HEMK2: variants seen among roughly 807,000 people sequenced by gnomAD.
HEMK2 encodes HemK methyltransferase 2, ETF1 glutamine and histone H4 lysine, also known as methyltransferase HEMK2.
At chr21:28,614,882 T>A in the HEMK2 span, among the ~76,000 whole-genome samples, 1 of 152,080 alleles carries the variant, frequency 6.6e-6, no homozygotes, top group African/African-American at 2.4e-5. Context: ...GAGCATTGAG[T>A]GATATTTTTC....
the HEMK2 span, among the ~76,000 whole-genome samples, chr21:28,691,876 A>T: frequency 6.6e-6 from 1 of 152,202 alleles, no homozygotes; most frequent in Admixed American, 6.5e-5. Flanking sequence ...ACATTTCATT[A>T]TTTCAGAAAA....
the HEMK2 span, among the ~76,000 whole-genome samples, chr21:28,695,387 C>A: frequency 6.6e-6 from 1 of 152,000 alleles, no homozygotes; most frequent in Admixed American, 6.6e-5. Flanking sequence ...TCTCACACTG[C>A]TAATAAAGAC....
the HEMK2 span, among the ~76,000 whole-genome samples, chr21:28,778,837 T>C: frequency 6.6e-6 from 1 of 152,238 alleles, no homozygotes; most frequent in African/African-American, 2.4e-5. Flanking sequence ...AACAAGCCTT[T>C]GCTGGATATG....
the HEMK2 span, among the ~76,000 whole-genome samples, chr21:28,707,938 G>A: frequency 6.6e-6 from 1 of 152,114 alleles, no homozygotes; most frequent in Non-Finnish European, 1.5e-5. Context: ...ATAGAATGCA[G>A]CAAATGATGA....
chr21:28,614,639 A>T, the HEMK2 span, among the ~76,000 whole-genome samples: 1 of 152,180 alleles, frequency 6.6e-6, no homozygotes, highest in Non-Finnish European at 1.5e-5. Flanking sequence ...TTGGAAGAAA[A>T]AGTCCTTATA....
the HEMK2 span, among the ~76,000 whole-genome samples, chr21:28,739,528 C>T: frequency 6.6e-6 from 1 of 152,136 alleles, no homozygotes; most frequent in African/African-American, 2.4e-5. Context: ...TTTCCCTAAA[C>T]TTCATCAGTT....
At chr21:28,828,253 G>A in the HEMK2 span, among the ~76,000 whole-genome samples, 4 of 152,162 alleles carry the variant, frequency 2.6e-5, no homozygotes, top group South Asian at 2.1e-4. Context: ...TTAAAACCCC[G>A]TGACACAGTA....
chr21:28,776,926 C>A, the HEMK2 span, among the ~76,000 whole-genome samples: 1 of 152,180 alleles, frequency 6.6e-6, no homozygotes, highest in Non-Finnish European at 1.5e-5. Context: ...CTCTCCCAGG[C>A]CACTGACTCA....
the HEMK2 span, among the ~76,000 whole-genome samples, chr21:28,758,331 G>A: frequency 5.3e-5 from 8 of 152,116 alleles, no homozygotes; most frequent in Admixed American, 3.3e-4. Flanking sequence ...TGTTGGGCGG[G>A]ACAAAAAGAG....
chr21:28,631,951 C>T, the HEMK2 span, among the ~76,000 whole-genome samples: 1 of 152,170 alleles, frequency 6.6e-6, no homozygotes, highest in African/African-American at 2.4e-5. Flanking sequence ...GCACCATCAG[C>T]AGGCTTATGA....
the HEMK2 span, among the ~76,000 whole-genome samples, chr21:28,652,440 C>A: frequency 2.6e-5 from 4 of 151,654 alleles, no homozygotes; most frequent in Non-Finnish European, 5.9e-5. Flanking sequence ...TCCTCCCTTC[C>A]TTCCTTCCTT....
the HEMK2 span, among the ~76,000 whole-genome samples, chr21:28,857,213 G>A: frequency 6.6e-6 from 1 of 151,998 alleles, no homozygotes; most frequent in African/African-American, 2.4e-5. Context: ...TTTGTATAAA[G>A]TTCTTTATTT....
chr21:28,730,222 A>G, the HEMK2 span, among the ~76,000 whole-genome samples: 1 of 151,558 alleles, frequency 6.6e-6, no homozygotes, highest in Non-Finnish European at 1.5e-5. Flanking sequence ...CCACAAAAAA[A>G]AAGTTTTAAT....
chr21:28,707,986 C>A, the HEMK2 span, among the ~76,000 whole-genome samples: 2 of 152,136 alleles, frequency 1.3e-5, no homozygotes, highest in Non-Finnish European at 2.9e-5. Flanking sequence ...CTGAGATGAT[C>A]GGTGTGAACT....
the HEMK2 span, among the ~76,000 whole-genome samples, chr21:28,583,271 GTGTT>G: frequency 1.3e-5 from 2 of 152,320 alleles, no homozygotes. Flanking sequence ...TCAATTGGAA[GTGTT>G]TGTTAGTAGT....
chr21:28,811,549 A>T, the HEMK2 span, among the ~76,000 whole-genome samples: 299 of 152,324 alleles, frequency 2.0e-3, 2 homozygotes, highest in African/African-American at 6.7e-3. Context: ...CTTAACATTC[A>T]TATTTAACAT....
the HEMK2 span, among the ~76,000 whole-genome samples, chr21:28,702,490 T>C: frequency 6.6e-6 from 1 of 152,098 alleles, no homozygotes; most frequent in Admixed American, 6.6e-5. Flanking sequence ...CATTAAAACA[T>C]GGGCAAAGAA....
At chr21:28,881,624 A>C in the HEMK2 span, among the ~76,000 whole-genome samples, 1 of 121,032 alleles carries the variant, frequency 8.3e-6, no homozygotes, top group African/African-American at 3.0e-5. Flanking sequence ...TGAAGCCATC[A>C]ATTTTTTTTT....
At chr21:28,625,137 T>C in the HEMK2 span, among the ~76,000 whole-genome samples, 1 of 152,154 alleles carries the variant, frequency 6.6e-6, no homozygotes, top group Non-Finnish European at 1.5e-5. Context: ...CACTGAGCTC[T>C]GCCCATAGGT....
Sources: allele counts gnomAD v4.1 joint callset (sites outside exome capture counted in the v4.1 genomes callset), GRCh38; gene constraint gnomAD v4.1.1; transcripts MANE v1.5; gene names NCBI Gene and HGNC (gene_info 2026-07-23, HGNC 2026-07-21).